Variants in SMARCA2 observed in about 807,000 individuals in gnomAD.
SMARCA2 encodes SWI/SNF-related matrix-associated actin-dependent regulator of chromatin subfamily A member 2.
A neutral mutation model predicts 199.8 loss-of-function variants in SMARCA2; 61 were observed. The observed-to-expected ratio is 0.31, with a 90% CI of 0.25 to 0.38. SMARCA2 has a LOEUF of 0.38. Ranked by LOEUF, SMARCA2 falls within the 10% of genes least tolerant of loss-of-function variation. The probability of loss-of-function intolerance (pLI) is 1.00; values close to 1 mark genes in which losing one functional copy is unlikely to be tolerated. For synonymous variants in SMARCA2, 935 were observed against 732.0 expected, an observed-to-expected ratio of 1.28 and a Z score of -4.48; for missense variants, 1,344 against 2,012.2, an observed-to-expected ratio of 0.67 and a Z score of 6.35.
Position 2,104,086 on chromosome 9 carries a change from T to C in SMARCA2, c.3209T>C (p.Leu1070Pro). ...TTGAGAGCGACTAATCACCGAGTGC[T>C]GCTTTTCTGCCAGATGACATCTCTC... ...PKLRATNHRVLLFCQMTSLMT... is the reference protein window; with the variant it reads ...PKLRATNHRVPLFCQMTSLMT... The change falls in exon 23 of 34, where the codon CTG becomes CCG. Residue 1070 changes from leucine (L) to proline (P), a missense_variant. Leu to Pro is a moderately conservative substitution (Grantham distance 98). Around this residue, in one of 18 missense-constraint regions of SMARCA2, gnomAD observed 98 missense variants for 245.6 expected, o/e 0.40. Coordinates refer to ENST00000349721, the MANE Select transcript of SMARCA2 (RefSeq NM_003070.5). This position sits in a 1 kb window ranked among gnomAD's most constrained non-coding sequence, Gnocchi z 4.0. The C allele has an allele frequency of 6.2e-7, 1 of 1,614,144 alleles. No individual in the cohort carries two copies. The highest frequency in any genetic ancestry group is 8.5e-7 in the Non-Finnish European group (1 of 1,179,998).
intron 1 of SMARCA2, among the ~76,000 whole-genome samples, chr9:2,024,291 G>A (rs561228205): frequency 2.5e-4 from 38 of 152,268 alleles, no homozygotes; most frequent in African/African-American, 8.7e-4. Context: ...CTGAGCTAAA[G>A]GTAATGTCTC....
At chr9:2,135,771 G>T (rs1348237004) in intron 27 of SMARCA2, among the ~76,000 whole-genome samples, 1 of 152,202 alleles carries the variant, frequency 6.6e-6, no homozygotes, top group Non-Finnish European at 1.5e-5. Flanking sequence ...TTGAACTCCT[G>T]ACCTCAGGTG....
intron 27 of SMARCA2, among the ~76,000 whole-genome samples, chr9:2,133,580 G>A (rs1414043642): frequency 6.6e-6 from 1 of 151,402 alleles, no homozygotes; most frequent in South Asian, 2.1e-4. Context: ...ACCGCGCCTG[G>A]CCAGTTTTTG....
chr9:2,113,380 T>G (rs1386545739), intron 24 of SMARCA2, among the ~76,000 whole-genome samples: 3 of 152,206 alleles, frequency 2.0e-5, no homozygotes, highest in Non-Finnish European at 4.4e-5. Context: ...TACGGAATGG[T>G]CGACCACATT....
intron 28 of SMARCA2, among the ~76,000 whole-genome samples, chr9:2,164,144 C>A (rs1224307479): frequency 6.6e-6 from 1 of 152,214 alleles, no homozygotes; most frequent in African/African-American, 2.4e-5. Flanking sequence ...CATTTACCGT[C>A]ATGCTTTTTA....
At chr9:2,179,038 G>A (rs1365832535) in intron 29 of SMARCA2, among the ~76,000 whole-genome samples, 1 of 152,190 alleles carries the variant, frequency 6.6e-6, no homozygotes, top group African/African-American at 2.4e-5. Flanking sequence ...TCTGGACAAT[G>A]GGTTCTTGGT....
At chr9:2,040,176 T>A in intron 4 of SMARCA2, 1 of 644,642 alleles carries the variant, frequency 1.6e-6, no homozygotes, top group Non-Finnish European at 2.6e-6. Context: ...TTTGAAGCGG[T>A]TCAAGGTTTC....
intron 9 of SMARCA2, among the ~76,000 whole-genome samples, chr9:2,069,979 A>G (rs931293549): frequency 2.6e-5 from 4 of 152,102 alleles, no homozygotes; most frequent in African/African-American, 7.2e-5. Context: ...TGTTGCCATC[A>G]GAGCTTATTC....
At chr9:2,073,055 C>T in intron 10 of SMARCA2, 157 bp from the exon 11 acceptor site, 2 of 748,466 alleles carry the variant, frequency 2.7e-6, no homozygotes, top group Non-Finnish European at 4.2e-6. Flanking sequence ...TGGGAGGTAG[C>T]CTCTCACCTC....
At chr9:2,088,817 C>T (rs1019135866) in intron 19 of SMARCA2, among the ~76,000 whole-genome samples, 1 of 150,850 alleles carries the variant, frequency 6.6e-6, no homozygotes, top group Admixed American at 6.6e-5. Context: ...TTTCCAAAAG[C>T]GTTCGAGCAG....
chr9:2,110,984 G>A lies in SMARCA2; in HGVS notation c.3456+567G>A, dbSNP rs1822967419. Among the ~76,000 whole-genome samples the A allele has an allele frequency of 6.6e-6, 1 of 150,462 alleles. No homozygotes were observed. Among genetic ancestry groups the A allele is most frequent in the Admixed American group, 6.6e-5 (1 of 15,124 alleles). Reference sequence around the variant, plus strand: ...CATATTCTAATGAGCATTTATTGTTGTAAAGCTCTTTTAGCCAGGTAAGTT... The same window carrying A: ...CATATTCTAATGAGCATTTATTGTTATAAAGCTCTTTTAGCCAGGTAAGTT... On this transcript the variant is annotated intron_variant, in intron 24 of 33. Coordinates refer to ENST00000349721, the MANE Select transcript of SMARCA2 (RefSeq NM_003070.5). The surrounding 1 kb of genome is among the most constrained non-coding windows in gnomAD (Gnocchi z 4.8).
At chr9:2,189,480 G>C (rs1285385371) in intron 32 of SMARCA2, among the ~76,000 whole-genome samples, 3 of 152,088 alleles carry the variant, frequency 2.0e-5, no homozygotes, top group African/African-American at 7.2e-5. Flanking sequence ...TCCTGTGTCA[G>C]GGAGAGCCCA....
At chr9:2,124,802 G>C (rs1394555439) in intron 27 of SMARCA2, among the ~76,000 whole-genome samples, 1 of 152,194 alleles carries the variant, frequency 6.6e-6, no homozygotes, top group Non-Finnish European at 1.5e-5. Context: ...TGAGGCCCGG[G>C]TGACTGTTCC....
chr9:2,123,239 C>T lies in SMARCA2; in HGVS notation c.3763-480C>T, dbSNP rs536017856. Among the ~76,000 whole-genome samples the T allele has an allele frequency of 2.0e-5, 3 of 151,702 alleles. No individual in the cohort carries two copies. In the East Asian group the frequency reaches 5.8e-4, roughly 29 times the overall value. On this transcript the variant is annotated intron_variant, in intron 26 of 33. Transcript: ENST00000349721. This position sits in a 1 kb window ranked among gnomAD's most constrained non-coding sequence, Gnocchi z 4.1. The stretch of plus-strand genomic sequence containing the variant: ...TATTCTGTACTGATACCTTGGGTCC[C>T]CCTTTTTTTTTTATTGCTGATTGTT...
rs1015107266 is a variant in SMARCA2, at chr9:2,029,277, A to C, written c.225+30A>C. 3.2e-6 allele frequency: 5 copies of C among 1,585,452 alleles called. No homozygotes were observed. In the Admixed American group the frequency reaches 5.3e-5, roughly 17 times the overall value. Reference sequence around the variant, plus strand: ...GAGTTTGTTCTCCCATTCAAACTCAACTTCTGATAAGTGGATGGCTAATAT... The same window carrying C: ...GAGTTTGTTCTCCCATTCAAACTCACCTTCTGATAAGTGGATGGCTAATAT... On this transcript the variant is annotated intron_variant, in intron 2 of 33. Transcript: ENST00000349721.
At chr9:2,071,402 A>T (rs949017871) in intron 10 of SMARCA2, among the ~76,000 whole-genome samples, 1 of 152,230 alleles carries the variant, frequency 6.6e-6, no homozygotes, top group African/African-American at 2.4e-5. Flanking sequence ...AGAATACTAT[A>T]TATTAGAGCA....
At chr9:2,070,097 C>T (rs1437042574) in intron 9 of SMARCA2, among the ~76,000 whole-genome samples, 2 of 152,178 alleles carry the variant, frequency 1.3e-5, no homozygotes, top group African/African-American at 2.4e-5. Context: ...CTCCCAAACA[C>T]GAGAAGAACA....
intron 19 of SMARCA2, 27 bp downstream of exon 19, chr9:2,088,640 G>A (rs927286912): frequency 7.2e-7 from 1 of 1,396,180 alleles, no homozygotes; most frequent in Admixed American, 2.4e-5. Context: ...AAAGTTGTGG[G>A]TTTTTTTTTT....
chr9:2,094,211 C>G (rs1453667668), intron 19 of SMARCA2, among the ~76,000 whole-genome samples: 3 of 152,166 alleles, frequency 2.0e-5, no homozygotes, highest in Non-Finnish European at 4.4e-5. Context: ...AGTTGTGAAG[C>G]TTATGTGATT....
Sources: gnomAD v4.1 joint callset for allele counts (sites outside exome capture counted in the v4.1 genomes callset) on GRCh38, gnomAD v4.1.1 for gene constraint, gnomAD v4.1.1 regional missense constraint, Gnocchi (gnomAD v3.1) non-coding constraint, MANE v1.5 for transcripts, NCBI Gene and HGNC (gene_info 2026-07-23, HGNC 2026-07-21) for gene names.